Variants in CDYL observed in about 807,000 individuals in gnomAD.
The protein encoded by CDYL is chromodomain Y-like protein.
In CDYL, 8 loss-of-function variants were observed where a neutral mutation model predicts 47.3. The ratio of observed to expected loss-of-function variants is 0.17; its 90% CI spans 0.10 to 0.31. The LOEUF (loss-of-function observed/expected upper bound fraction) is 0.31. CDYL is among the 10% of genes least tolerant of loss of function. The pLI is 1.00. For synonymous variants in CDYL, 266 were observed against 265.0 expected, an observed-to-expected ratio of 1.00 and a Z score of -0.04; for missense variants, 471 against 701.4, an observed-to-expected ratio of 0.67 and a Z score of 3.71.
upstream of CDYL, chr6:4,775,129 G>A (rs1042594340): frequency 2.6e-5 from 4 of 152,750 alleles, no homozygotes; most frequent in Admixed American, 2.6e-4. The surrounding 1 kb of genome is among the most constrained non-coding windows in gnomAD (Gnocchi z 7.0). Flanking sequence ...AGGAACTGGA[G>A]CGAGATGGAG....
intron 3 of CDYL, among the ~76,000 whole-genome samples, chr6:4,735,403 A>G (rs1413940826): frequency 6.6e-6 from 1 of 152,166 alleles, no homozygotes; most frequent in Non-Finnish European, 1.5e-5. Flanking sequence ...GAAAATGTGT[A>G]CTCTAGTAAT....
At chr6:4,707,900 A>G (rs1258072178) in intron 1 of CDYL, among the ~76,000 whole-genome samples, 1 of 151,930 alleles carries the variant, frequency 6.6e-6, no homozygotes, top group African/African-American at 2.4e-5. Context: ...TATTTTATTC[A>G]GTTCTATTTT....
intron 1 of CDYL, among the ~76,000 whole-genome samples, chr6:4,891,078 T>C (rs952610502): frequency 5.3e-5 from 8 of 152,240 alleles, no homozygotes; most frequent in African/African-American, 1.9e-4. Flanking sequence ...TCCATTTCAA[T>C]GATTAACAGC....
chr6:4,882,446 G>A (rs963870690), intron 1 of CDYL, among the ~76,000 whole-genome samples: 2 of 152,212 alleles, frequency 1.3e-5, no homozygotes, highest in African/African-American at 4.8e-5. Flanking sequence ...ATTCTTCTCT[G>A]GGTGGGAGGA....
intron 2 of CDYL, among the ~76,000 whole-genome samples, chr6:4,927,926 A>AT (rs1278807035): frequency 1.3e-5 from 2 of 152,140 alleles, no homozygotes; most frequent in Admixed American, 1.3e-4. Flanking sequence ...TTTGCTATTT[A>AT]TTGAATGTTT....
At chr6:4,734,732 C>CT (rs1168767777) in intron 2 of CDYL, 1 of 1,613,002 alleles carries the variant, frequency 6.2e-7, no homozygotes, top group Admixed American at 1.7e-5. Flanking sequence ...GTCCACCTCT[C>CT]TCAGAAACTT....
intron 1 of CDYL, among the ~76,000 whole-genome samples, chr6:4,883,933 T>C (rs1581234316): frequency 6.6e-6 from 1 of 152,236 alleles, no homozygotes; most frequent in East Asian, 1.9e-4. Flanking sequence ...TGGCAAACTC[T>C]CCAAAATGAG....
At chr6:4,900,779 G>GTGTGTGTGTGTGTGTATATATATATA in intron 2 of CDYL, among the ~76,000 whole-genome samples, 1 of 51,698 alleles carries the variant, frequency 1.9e-5, no homozygotes, top group African/African-American at 6.3e-5. Context: ...GTATACGTGT[G>GTGTGTGTGTGTGTGTATATATATATA]TATATATATA....
chr6:4,952,137 G>C (rs1758723790), intron 5 of CDYL, 129 bp from the exon 6 acceptor site: 2 of 1,051,592 alleles, frequency 1.9e-6, no homozygotes, highest in Admixed American at 5.2e-5. Context: ...GGCCCCTAGA[G>C]GATGTGCCCC....
intron 1 of CDYL, among the ~76,000 whole-genome samples, chr6:4,778,512 A>T (rs1758529814): frequency 6.6e-6 from 1 of 152,222 alleles, no homozygotes; most frequent in Non-Finnish European, 1.5e-5. Flanking sequence ...GTGTTCATTT[A>T]ACGTTTATTG....
At chr6:4,885,168 A>G (rs557369783) in intron 1 of CDYL, among the ~76,000 whole-genome samples, 130 of 151,978 alleles carry the variant, frequency 8.6e-4, no homozygotes, top group Non-Finnish European at 1.7e-3. Flanking sequence ...TAATTTTTTT[A>G]TATTTTGTAG....
chr6:4,864,494 T>C (rs1761264282), intron 1 of CDYL, among the ~76,000 whole-genome samples: 1 of 152,198 alleles, frequency 6.6e-6, no homozygotes, highest in Non-Finnish European at 1.5e-5. Flanking sequence ...TAGATTTTAA[T>C]AGATAAGCAT....
chr6:4,942,711 A>C (rs1758395435), intron 4 of CDYL, among the ~76,000 whole-genome samples: 1 of 152,226 alleles, frequency 6.6e-6, no homozygotes, highest in Admixed American at 6.5e-5. Flanking sequence ...CTACATTGAA[A>C]AGCAGCCTAC....
chr6:4,902,040 CTG>C (rs1359320813), intron 2 of CDYL, among the ~76,000 whole-genome samples: 1 of 152,118 alleles, frequency 6.6e-6, no homozygotes, highest in Non-Finnish European at 1.5e-5. Context: ...CATCTAAACT[CTG>C]TAACCTAGAA....
At chr6:4,753,979 C>G (rs1758036927) in intron 3 of CDYL, among the ~76,000 whole-genome samples, 1 of 152,038 alleles carries the variant, frequency 6.6e-6, no homozygotes, top group Admixed American at 6.6e-5. Flanking sequence ...TAGTTGCCTA[C>G]CTTTTGTAAA....
intron 1 of CDYL, among the ~76,000 whole-genome samples, chr6:4,880,892 G>GT (rs1761745278): frequency 6.6e-6 from 1 of 152,152 alleles, no homozygotes; most frequent in Non-Finnish European, 1.5e-5. Context: ...AGATACCTTT[G>GT]TTTTGGATAA....
intron 1 of CDYL, among the ~76,000 whole-genome samples, chr6:4,840,299 T>G (rs1472481682): frequency 6.9e-6 from 1 of 145,452 alleles, no homozygotes; most frequent in Non-Finnish European, 1.5e-5. Flanking sequence ...TTCTAGGAGC[T>G]TTTTGGAAGA....
chr6:4,835,149 G>T (rs922646122), intron 1 of CDYL, among the ~76,000 whole-genome samples: 1 of 152,148 alleles, frequency 6.6e-6, no homozygotes, highest in Non-Finnish European at 1.5e-5. Flanking sequence ...GAGGTGCTCT[G>T]CTTTTTAGAG....
upstream of CDYL, chr6:4,773,262 T>C: frequency 2.2e-6 from 1 of 455,532 alleles, no homozygotes; most frequent in South Asian, 1.6e-5. This position sits in a 1 kb window ranked among gnomAD's most constrained non-coding sequence, Gnocchi z 4.6. Context: ...TCTAATCTTT[T>C]AAGAGTCATA....
Sources: allele counts gnomAD v4.1 joint callset (sites outside exome capture counted in the v4.1 genomes callset), GRCh38; gene constraint gnomAD v4.1.1; non-coding constraint Gnocchi (gnomAD v3.1); transcripts MANE v1.5; gene names NCBI Gene and HGNC (gene_info 2026-07-23, HGNC 2026-07-21).